TOX: variants seen among roughly 807,000 people sequenced by gnomAD.
The protein encoded by TOX is thymocyte selection associated high mobility group box.
A neutral mutation model predicts 53.7 loss-of-function variants in TOX; 11 were observed. That is an observed-to-expected ratio of 0.20 (90% confidence interval 0.13 to 0.34). The LOEUF is 0.34. Ranked by LOEUF, TOX falls within the 10% of genes least tolerant of loss-of-function variation. The pLI is 1.00. For synonymous variants in TOX, 225 were observed against 245.3 expected (o/e 0.92, Z 0.77); for missense variants, 570 against 664.6 (o/e 0.86, Z 1.56).
chr8:59,030,220 G>A (rs1349386775), intron 1 of TOX, among the ~76,000 whole-genome samples: 1 of 152,108 alleles, frequency 6.6e-6, no homozygotes, highest in African/African-American at 2.4e-5. Flanking sequence ...ATTTTTCTAT[G>A]CAAACTAATT....
intron 1 of TOX, among the ~76,000 whole-genome samples, chr8:59,097,725 T>C (rs1804736017): frequency 6.6e-6 from 1 of 152,194 alleles, no homozygotes; most frequent in African/African-American, 2.4e-5. Context: ...AAAGTCTCCA[T>C]GGTTTCTTGA....
intron 1 of TOX, among the ~76,000 whole-genome samples, chr8:59,062,851 G>A (rs1167282824): frequency 6.6e-6 from 1 of 151,998 alleles, no homozygotes; most frequent in Admixed American, 6.6e-5. Flanking sequence ...AAAATAAAAG[G>A]AAAACAATCA....
rs35347981 is a variant in TOX at position 58,838,699 on chromosome 8, C to CTTTTTTTT, written c.694-396_694-389dup. On this transcript the variant is annotated intron_variant, in intron 4 of 8. Coordinates refer to ENST00000361421, the MANE Select transcript of TOX (RefSeq NM_014729.3). The stretch of plus-strand genomic sequence containing the variant: ...TTTCTTCTAAGGAAGTTATCCTTGT[C>CTTTTTTTT]TTTTTTTTTTTTTTTTTTTTTGAGA... Among the ~76,000 whole-genome samples, 82 of 88,868 alleles carry CTTTTTTTT rather than the reference C, an allele frequency of 9.2e-4. 10 individuals are homozygous for CTTTTTTTT. The highest frequency in any genetic ancestry group is 4.1e-3 in the African/African-American group (68 of 16,722). 58.3% of individuals were successfully genotyped at this position (88,868 alleles called of 152,430 possible).
At chr8:58,914,508 T>G (rs573203630) in intron 3 of TOX, among the ~76,000 whole-genome samples, 2 of 152,138 alleles carry the variant, frequency 1.3e-5, no homozygotes, top group Non-Finnish European at 2.9e-5. Context: ...CAGAAGATAT[T>G]TGTCAATGTC....
intron 1 of TOX, among the ~76,000 whole-genome samples, chr8:59,023,844 A>G (rs1284160181): frequency 6.6e-6 from 1 of 152,300 alleles, no homozygotes; most frequent in East Asian, 1.9e-4. Context: ...GTTGGTCACA[A>G]AGCTTGAGCT....
intron 2 of TOX, among the ~76,000 whole-genome samples, chr8:58,957,875 A>G (rs1270775314): frequency 1.3e-5 from 2 of 152,220 alleles, no homozygotes; most frequent in Non-Finnish European, 2.9e-5. Flanking sequence ...TAAATTGATT[A>G]AAATTCCCTA....
chr8:59,064,617 C>T (rs562954378), intron 1 of TOX, among the ~76,000 whole-genome samples: 15 of 152,202 alleles, frequency 9.9e-5, no homozygotes, highest in African/African-American at 3.4e-4. Context: ...AACTCGTGCT[C>T]TGCTTGCACT....
rs116336527 is a variant in TOX, at chr8:58,882,085, T to C, written c.412-30280A>G. On this transcript the variant is annotated intron_variant, in intron 3 of 8. Coordinates refer to ENST00000361421, the MANE Select transcript of TOX (RefSeq NM_014729.3). ...TGCAATTGTGACTAAAACTAAGCTCTCCCACTTCAGTAGCCATTTCAGGAA... is the reference window on the plus strand; with the variant it reads ...TGCAATTGTGACTAAAACTAAGCTCCCCCACTTCAGTAGCCATTTCAGGAA... Among the ~76,000 whole-genome samples, 533 of 152,324 alleles carry C rather than the reference T, an allele frequency of 3.5e-3. 7 individuals are homozygous for C. The highest frequency in any genetic ancestry group is 0.012 in the African/African-American group (506 of 41,576).
rs2594961 is a variant in TOX at position 58,851,185 on chromosome 8, T to A, written c.693+339A>T. 0.017 allele frequency among the ~76,000 whole-genome samples: 2,399 copies of A among 140,742 alleles called. 37 individuals are homozygous for A. The highest frequency in any genetic ancestry group is 0.038 in the Admixed American group (532 of 14,148). 92.3% of individuals were successfully genotyped at this position (140,742 alleles called of 152,430 possible). On this transcript the variant is annotated intron_variant, in intron 4 of 8. Transcript: ENST00000361421. The surrounding 1 kb of genome is among the most constrained non-coding windows in gnomAD (Gnocchi z 4.4). ...CTCTCTCTCTCTCTCTCTCTCTCTC[T>A]CACACACACACACACACACACACAC...
At chr8:59,062,578 G>C (rs528478651) in intron 1 of TOX, among the ~76,000 whole-genome samples, 14 of 152,302 alleles carry the variant, frequency 9.2e-5, no homozygotes, top group African/African-American at 3.4e-4. Context: ...GGATGACAAT[G>C]ATGAACTGTT....
chr8:58,945,011 T>A (rs1206177485), intron 2 of TOX, among the ~76,000 whole-genome samples: 2 of 152,230 alleles, frequency 1.3e-5, no homozygotes, highest in Non-Finnish European at 2.9e-5. Flanking sequence ...TAAATTGCAC[T>A]TTTTAAGTTA....
chr8:58,887,276 G>T (rs1246431733), intron 3 of TOX, among the ~76,000 whole-genome samples: 1 of 151,728 alleles, frequency 6.6e-6, no homozygotes, highest in African/African-American at 2.4e-5. Flanking sequence ...ATTTTTGTGT[G>T]TAATTCCTGT....
chr8:58,867,075 T>A (rs774739835), intron 3 of TOX, among the ~76,000 whole-genome samples: 1 of 152,184 alleles, frequency 6.6e-6, no homozygotes, highest in Non-Finnish European at 1.5e-5. Flanking sequence ...ATTTTTTAAA[T>A]TTAAAACCCT....
At chr8:58,985,989 T>C (rs1323515355) in intron 1 of TOX, among the ~76,000 whole-genome samples, 1 of 152,212 alleles carries the variant, frequency 6.6e-6, no homozygotes, top group Non-Finnish European at 1.5e-5. Flanking sequence ...CAAAAAATTA[T>C]CAGTGTTGAT....
rs201239875 is a variant in TOX, at chr8:58,945,115, C to T, written c.169-5571G>A. The stretch of plus-strand genomic sequence containing the variant: ...CAGAGGCCCAACAACTTTGCTCCTT[C>T]GGGGAGCTCTGCTGGTGGGCCTGCA... On this transcript the variant is annotated intron_variant, in intron 2 of 8. Transcript: ENST00000361421. Among the ~76,000 whole-genome samples, 41 of 152,278 alleles carry T rather than the reference C, an allele frequency of 2.7e-4. No individual in the cohort carries two copies. The East Asian group carries it at 5.2e-3, about 19-fold the overall frequency.
Position 58,807,796 on chromosome 8 carries a change from A to T in TOX, c.1545-13T>A. The stretch of plus-strand genomic sequence containing the variant: ...CCTCTGCATGCCCCTGTAGGAAGAG[A>T]AAAAAGACAGTTCCTTGTTACAGGA... On this transcript the variant is annotated splice_polypyrimidine_tract_variant and intron_variant, in intron 8 of 8. Coordinates refer to ENST00000361421, the MANE Select transcript of TOX (RefSeq NM_014729.3). 6.2e-7 allele frequency: 1 copy of T among 1,614,050 alleles called. No homozygotes were observed. Among genetic ancestry groups the T allele is most frequent in the Non-Finnish European group, 8.5e-7 (1 of 1,179,932 alleles).
chr8:58,889,649 T>C (rs1424242672), intron 3 of TOX, among the ~76,000 whole-genome samples: 1 of 152,190 alleles, frequency 6.6e-6, no homozygotes, highest in African/African-American at 2.4e-5. Context: ...CTGTCAGTAA[T>C]AGATGGACCT....
At chr8:58,976,041 T>G (rs923369179) in intron 1 of TOX, among the ~76,000 whole-genome samples, 2 of 151,054 alleles carry the variant, frequency 1.3e-5, no homozygotes, top group African/African-American at 4.9e-5. Context: ...CACTGCACTC[T>G]AGCCTGGAGA....
chr8:58,991,494 C>T (rs1052022606), intron 1 of TOX, among the ~76,000 whole-genome samples: 6 of 152,096 alleles, frequency 3.9e-5, no homozygotes, highest in African/African-American at 1.4e-4. Flanking sequence ...AACAATCGGC[C>T]GGATCGCTTA....
Sources: gnomAD v4.1 joint callset for allele counts (sites outside exome capture counted in the v4.1 genomes callset) on GRCh38, gnomAD v4.1.1 for gene constraint, Gnocchi (gnomAD v3.1) non-coding constraint, MANE v1.5 for transcripts, NCBI Gene and HGNC (gene_info 2026-07-23, HGNC 2026-07-21) for gene names.